The following COL11A2 variants were observed in gnomAD, a reference collection of about 807,000 sequenced individuals.
COL11A2 encodes collagen alpha-2(XI) chain.
Under a neutral mutation model 273.4 loss-of-function variants are expected in COL11A2, and 116 were observed. That is an observed-to-expected ratio of 0.42 (90% CI 0.36 to 0.49). COL11A2 has a LOEUF of 0.49. Ranked by LOEUF, COL11A2 falls within the 20% of genes least tolerant of loss-of-function variation. The probability of loss-of-function intolerance (pLI) is 0.00; values close to 1 mark genes in which losing one functional copy is unlikely to be tolerated. For missense variants in COL11A2, 1,866 were observed against 2,309.0 expected (o/e 0.81, Z 3.93); for synonymous variants, 782 against 864.2 (o/e 0.90, Z 1.67).
At chr6:33,175,861 T>C (rs1302386787) in intron 29 of COL11A2, among the ~76,000 whole-genome samples, 155 bp downstream of exon 29, 1 of 151,954 alleles carries the variant, frequency 6.6e-6, no homozygotes, top group East Asian at 1.9e-4. Context: ...ACACAGACCA[T>C]GGGGCTATCA....
chr6:33,185,845 G>A lies in COL11A2; in HGVS notation c.799-67C>T, dbSNP rs529703871. ...AATTGGAAGGTGTGGGGTGAAGGGC[G>A]GGAGAGGGAGATATAAAGATGGTGT... On this transcript the variant is annotated intron_variant, in intron 5 of 65. Coordinates refer to ENST00000341947, the MANE Select transcript of COL11A2 (RefSeq NM_080680.3). 2,134 of 524,266 alleles carry A rather than the reference G, an allele frequency of 4.1e-3. 60 individuals carry two copies. The highest frequency in any genetic ancestry group is 0.03 in the South Asian group (2,092 of 68,998). 32.5% of individuals were successfully genotyped at this position (524,266 alleles called of 1,614,324 possible).
At chr6:33,168,878 G>T in intron 52 of COL11A2, 77 bp downstream of exon 52, 1 of 1,585,116 alleles carries the variant, frequency 6.3e-7, no homozygotes, top group Non-Finnish European at 8.6e-7. Flanking sequence ...CAATACCCAA[G>T]CCCAGCGGCC....
At chr6:33,172,992 C>G in intron 38 of COL11A2, 68 bp downstream of exon 38, 13 of 1,538,904 alleles carry the variant, frequency 8.4e-6, no homozygotes, top group Non-Finnish European at 1.2e-5. Context: ...GGCGTGTGAC[C>G]GAGAGAAGAG....
In COL11A2 at chr6:33,189,291, C is replaced by G. The variant is rs367984276; in HGVS notation, c.232+29G>C. On this transcript the variant is annotated intron_variant, in intron 2 of 65. Transcript: ENST00000341947. This position sits in a 1 kb window ranked among gnomAD's most constrained non-coding sequence, Gnocchi z 5.6. ...CTAGGCCCCATCCCATTACCTCCCC[C>G]CAGGCCTACCCCACCATGTCACCCA... The G allele has an allele frequency of 1.9e-5, 30 of 1,613,954 alleles. No homozygotes were observed. The highest frequency in any genetic ancestry group is 2.4e-5 in the Non-Finnish European group (28 of 1,180,024).
In COL11A2 at chr6:33,176,452, G is replaced by C; in HGVS notation, c.2150C>G (p.Pro717Arg). The stretch of plus-strand genomic sequence containing the variant: ...AGTTACCTTGACCCCTCGAGGTCCT[G>C]GGTATCCTAGAGGTCCCTGAGGTCC... ...PSGPQGPLGY[P>R]GPRGVKGVDG... is the part of the protein sequence containing the mutation. The change falls in exon 27 of 66, where the codon CCA (proline) becomes CGA (arginine). Residue 717 changes from proline to arginine, a missense_variant. By Grantham distance (103) the Pro-to-Arg change is moderately radical. Coordinates refer to ENST00000341947, the MANE Select transcript of COL11A2 (RefSeq NM_080680.3). The surrounding 1 kb of genome is among the most constrained non-coding windows in gnomAD (Gnocchi z 4.9). 6.2e-7 allele frequency: 1 copy of C among 1,612,454 alleles called. No homozygotes were observed. Among genetic ancestry groups the C allele is most frequent in the African/African-American group, 1.3e-5 (1 of 74,994 alleles).
At chr6:33,180,590 A>T (rs950419009) in intron 11 of COL11A2, 78 bp downstream of exon 11, 4 of 1,354,324 alleles carry the variant, frequency 3.0e-6, no homozygotes, top group Non-Finnish European at 3.1e-6. Flanking sequence ...ACAGGAAATT[A>T]CTGGGCATGG....
intron 1 of COL11A2, among the ~76,000 whole-genome samples, chr6:33,191,539 G>A (rs1285258118): frequency 6.6e-6 from 1 of 152,254 alleles, no homozygotes; most frequent in Non-Finnish European, 1.5e-5. Context: ...AATGCAAAGA[G>A]TTGGCTCTGG....
Position 33,167,615 on chromosome 6 carries a change from A to G in COL11A2, c.4015-82T>C, listed in dbSNP as rs2855449. On this transcript the variant is annotated intron_variant, in intron 55 of 65. Coordinates refer to ENST00000341947, the MANE Select transcript of COL11A2 (RefSeq NM_080680.3). This position sits in a 1 kb window ranked among gnomAD's most constrained non-coding sequence, Gnocchi z 6.1. ...GGGCAGAGGGTCCAAGGTGGGAGGCAGGAGGCAGGGAGGAAGGGCCAAACT... is the reference window on the plus strand; with the variant it reads ...GGGCAGAGGGTCCAAGGTGGGAGGCGGGAGGCAGGGAGGAAGGGCCAAACT... 0.75 allele frequency: 1,113,412 copies of G among 1,477,268 alleles called. 424,271 individuals are homozygous for G. The highest frequency in any genetic ancestry group is 0.99 in the East Asian group (41,869 of 42,320). The allele number at this position is 1,477,268 out of a possible 1,614,324, so 91.5% of individuals were successfully genotyped here.
chr6:33,186,595 G>A (rs770050612), intron 5 of COL11A2, 32 bp downstream of exon 5: 2 of 1,614,182 alleles, frequency 1.2e-6, no homozygotes, highest in Non-Finnish European at 1.7e-6. Context: ...TCTGGGGTGT[G>A]CTGCACTTGG....
At chr6:33,192,613 T>C, upstream of COL11A2, 1 of 381,682 alleles carries the variant, frequency 2.6e-6, no homozygotes, top group East Asian at 6.2e-5. Context: ...CCTCCCTCTA[T>C]CGCTCGCTCT....
At position 33,170,201 on chromosome 6, in the gene COL11A2, T is replaced by G; in HGVS notation, c.3583-101A>C. 2 of 1,575,620 alleles carry G rather than the reference T, an allele frequency of 1.3e-6. No individual in the cohort carries two copies. The highest frequency in any genetic ancestry group is 1.7e-6 in the Non-Finnish European group (2 of 1,146,598). On this transcript the variant is annotated intron_variant, in intron 48 of 65. Transcript: ENST00000341947. This position sits in a 1 kb window ranked among gnomAD's most constrained non-coding sequence, Gnocchi z 4.3. ...GCCCAAGGTTACAGCAGTGAGGCAG[T>G]GGAGGCCTCCCGGGAGTAAGGGCTT...
At position 33,179,771 on chromosome 6, in the gene COL11A2, G is replaced by T. The variant is rs979641184; in HGVS notation, c.1394C>A (p.Pro465His). 3 of 1,611,860 alleles carry T rather than the reference G, an allele frequency of 1.9e-6. No homozygotes were observed. The African/African-American group carries it at 4.0e-5, about 22-fold the overall frequency. Residue 465 changes from proline to histidine, a missense_variant, in exon 13 of 66, where the codon CCT becomes CAT. Physicochemically the swap from Pro to His is moderately conservative, Grantham distance 77. Transcript: ENST00000341947. This position sits in a 1 kb window ranked among gnomAD's most constrained non-coding sequence, Gnocchi z 6.4. Reference sequence around the variant, plus strand: ...CTGAGCCTCCTGGGCCGCCACCACAGGGCCCTTGTCACCCCCACCACTGCC... The same window carrying T: ...CTGAGCCTCCTGGGCCGCCACCACATGGCCCTTGTCACCCCCACCACTGCC... ...RFGSGGGDKG[P>H]VVAAQEAQAQ...
chr6:33,184,856 AG>A, intron 7 of COL11A2, 135 bp downstream of exon 7: 1 of 730,936 alleles, frequency 1.4e-6, no homozygotes, highest in Non-Finnish European at 2.4e-6. Context: ...ACCCAAAGAC[AG>A]AGGCCATCGA....
intron 5 of COL11A2, 123 bp from the exon 6 acceptor site, chr6:33,185,901 T>C: frequency 2.4e-6 from 1 of 410,238 alleles, no homozygotes; most frequent in Non-Finnish European, 4.9e-6. Context: ...GGTGTGGAGT[T>C]GGGAAACAGA....
Position 33,176,149 on chromosome 6 carries a change from A to T in COL11A2, c.2215-80T>A. On this transcript the variant is annotated intron_variant, in intron 28 of 65. Coordinates refer to ENST00000341947, the MANE Select transcript of COL11A2 (RefSeq NM_080680.3). The surrounding 1 kb of genome is among the most constrained non-coding windows in gnomAD (Gnocchi z 4.9). ...ATGGGAATTCTGAGAACATAGGTGG[A>T]AGCAGGGGCTCGGGAGCTGGACGGC... The T allele has an allele frequency of 6.2e-7, 1 of 1,607,982 alleles. No homozygotes were observed. Among genetic ancestry groups the T allele is most frequent in the South Asian group, 1.1e-5 (1 of 90,992 alleles).
intron 31 of COL11A2, 136 bp downstream of exon 31, chr6:33,174,391 T>C: frequency 1.5e-6 from 2 of 1,374,040 alleles, no homozygotes; most frequent in African/African-American, 1.4e-5. Context: ...CTTTCGGTCA[T>C]CTGTAAAATG....
chr6:33,179,109 C>T lies in COL11A2; in HGVS notation c.1575G>A (p.Gln525=). The T allele has an allele frequency of 6.2e-7, 1 of 1,613,890 alleles. No individual in the cohort carries two copies. The highest frequency in any genetic ancestry group is 8.5e-7 in the Non-Finnish European group (1 of 1,179,848). Residue 525 remains glutamine, a synonymous_variant, in exon 16 of 66, where the codon CAG becomes CAA. Transcript: ENST00000341947. This position sits in a 1 kb window ranked among gnomAD's most constrained non-coding sequence, Gnocchi z 6.4. ...CCTTGCCAGGAGGGCCTGTGAGGCC[C>T]TGAGGTCCTCTGGGGCCCTGGTGAG... ...DLGPQGPRGP[Q]GLTGPPGKAG...
At chr6:33,192,610 C>T, upstream of COL11A2, 1 of 391,746 alleles carries the variant, frequency 2.6e-6, no homozygotes. Context: ...AACCCTCCCT[C>T]TATCGCTCGC....
chr6:33,167,677 G>T lies in COL11A2; in HGVS notation c.4014+122C>A. Reference sequence around the variant, plus strand: ...TAGCGCAGGAACAAGTACAGGGAACGCCTGTCCCCATAAGGGCCCAACATG... The same window carrying T: ...TAGCGCAGGAACAAGTACAGGGAACTCCTGTCCCCATAAGGGCCCAACATG... On this transcript the variant is annotated intron_variant, in intron 55 of 65. Coordinates refer to ENST00000341947, the MANE Select transcript of COL11A2 (RefSeq NM_080680.3). This position sits in a 1 kb window ranked among gnomAD's most constrained non-coding sequence, Gnocchi z 6.1. The T allele has an allele frequency of 6.9e-7, 1 of 1,454,136 alleles. No homozygotes were observed. Among genetic ancestry groups the T allele is most frequent in the Non-Finnish European group, 9.5e-7 (1 of 1,048,728 alleles). The allele number at this position is 1,454,136 out of a possible 1,614,324, so 90.1% of individuals were successfully genotyped here.
Sources: gnomAD v4.1 joint callset for allele counts (sites outside exome capture counted in the v4.1 genomes callset) on GRCh38, gnomAD v4.1.1 for gene constraint, Gnocchi (gnomAD v3.1) non-coding constraint, MANE v1.5 for transcripts, NCBI Gene and HGNC (gene_info 2026-07-23, HGNC 2026-07-21) for gene names.